Variants in DPYD observed in about 807,000 individuals in gnomAD.
The protein encoded by DPYD is dihydropyrimidine dehydrogenase [NADP(+)].
A neutral mutation model predicts 116.2 loss-of-function variants in DPYD; 109 were observed. The ratio of observed to expected loss-of-function variants is 0.94; its 90% confidence interval spans 0.80 to 1.10. The LOEUF is 1.10. Ranked by LOEUF, DPYD falls within the 50% of genes least tolerant of loss-of-function variation. The pLI is 0.00. For synonymous variants in DPYD, 440 were observed against 432.0 expected, an observed-to-expected ratio of 1.02 and a Z score of -0.23; for missense variants, 1,302 against 1,254.5, an observed-to-expected ratio of 1.04 and a Z score of -0.57.
chr1:97,243,902 A>G (rs568921845), intron 18 of DPYD, among the ~76,000 whole-genome samples: 6 of 152,066 alleles, frequency 3.9e-5, no homozygotes, highest in African/African-American at 1.2e-4. Context: ...CATACTAGCT[A>G]TAACTAAAGA....
intron 3 of DPYD, among the ~76,000 whole-genome samples, chr1:97,826,774 CTGAT>C (rs1169901611): frequency 1.3e-5 from 2 of 151,954 alleles, no homozygotes; most frequent in African/African-American, 4.8e-5. Context: ...CTGAGAATAT[CTGAT>C]TGCATTTTAT....
intron 2 of DPYD, among the ~76,000 whole-genome samples, chr1:97,832,324 G>A (rs754509459): frequency 3.9e-4 from 60 of 152,160 alleles, no homozygotes; most frequent in Admixed American, 5.2e-4. Context: ...AACTCCTCGC[G>A]AGTCCGCTTC....
intron 8 of DPYD, among the ~76,000 whole-genome samples, chr1:97,626,681 CT>C (rs1274710741): frequency 1.3e-5 from 2 of 151,848 alleles, no homozygotes; most frequent in African/African-American, 4.8e-5. Flanking sequence ...AAGATAAAGT[CT>C]TAGTATGTCT....
At chr1:97,369,964 G>A (rs931340062) in intron 16 of DPYD, among the ~76,000 whole-genome samples, 2 of 152,082 alleles carry the variant, frequency 1.3e-5, no homozygotes, top group African/African-American at 4.8e-5. Context: ...CTTAATGCAG[G>A]CTAAAGAAAT....
chr1:97,674,013 C>T (rs1660012507), intron 8 of DPYD, among the ~76,000 whole-genome samples: 2 of 152,068 alleles, frequency 1.3e-5, no homozygotes, highest in African/African-American at 4.8e-5. Context: ...TGAAAACCTT[C>T]GTGGGGACTT....
chr1:97,605,344 G>C (rs533007273), intron 8 of DPYD, among the ~76,000 whole-genome samples: 1 of 152,140 alleles, frequency 6.6e-6, no homozygotes, highest in South Asian at 2.1e-4. Flanking sequence ...CCTGGTGGGA[G>C]GTAACTGAAT....
At chr1:97,367,997 C>A (rs1324638604) in intron 16 of DPYD, among the ~76,000 whole-genome samples, 1 of 152,090 alleles carries the variant, frequency 6.6e-6, no homozygotes, top group Non-Finnish European at 1.5e-5. Context: ...TGATAATATA[C>A]ACCCAGCTCA....
intron 16 of DPYD, among the ~76,000 whole-genome samples, chr1:97,337,360 A>G (rs1483193585): frequency 2.0e-5 from 3 of 152,192 alleles, no homozygotes; most frequent in Non-Finnish European, 4.4e-5. Flanking sequence ...GGTGAGTCAG[A>G]GCTGGGAGGA....
At position 97,242,122 on chromosome 1, in the gene DPYD, G is replaced by GTATATA. The variant is rs1353473800; in HGVS notation, c.2300-7129_2300-7128insTATATA. On this transcript the variant is annotated intron_variant, in intron 18 of 22. Transcript: ENST00000370192. ...TGTAATTTGCAACGTGTGTGTGCGT[G>GTATATA]TGTATATATATATATATATATATAT... 2.4e-3 allele frequency among the ~76,000 whole-genome samples: 174 copies of GTATATA among 71,578 alleles called. 32 individuals carry two copies. Among genetic ancestry groups the GTATATA allele is most frequent in the South Asian group, 3.5e-3 (7 of 2,018 alleles). 47.0% of individuals were successfully genotyped at this position (71,578 alleles called of 152,430 possible). A position where few individuals can be genotyped will look rare whatever the true frequency, so the allele number is the denominator to read the frequency against.
At chr1:97,394,801 A>C (rs965461264) in intron 14 of DPYD, among the ~76,000 whole-genome samples, 3 of 152,086 alleles carry the variant, frequency 2.0e-5, no homozygotes, top group African/African-American at 4.8e-5. Flanking sequence ...AGGTAGAGTG[A>C]GCAGCAAGAT....
At chr1:97,791,923 T>C (rs1229662016) in intron 3 of DPYD, among the ~76,000 whole-genome samples, 2 of 152,188 alleles carry the variant, frequency 1.3e-5, no homozygotes, top group African/African-American at 4.8e-5. Context: ...AACCCAAATA[T>C]TGTCAATATC....
chr1:97,913,278 T>A (rs1282815842), intron 1 of DPYD, among the ~76,000 whole-genome samples: 1 of 152,196 alleles, frequency 6.6e-6, no homozygotes, highest in African/African-American at 2.4e-5. Context: ...ACAGCTGGTA[T>A]AAATAGTACA....
intron 14 of DPYD, among the ~76,000 whole-genome samples, chr1:97,396,944 T>C (rs983548222): frequency 2.6e-5 from 4 of 152,020 alleles, no homozygotes; most frequent in Non-Finnish European, 4.4e-5. Context: ...CAGTTCCTGT[T>C]GGACTGTGTC....
At chr1:97,838,753 G>A (rs759432032) in intron 2 of DPYD, among the ~76,000 whole-genome samples, 4 of 152,162 alleles carry the variant, frequency 2.6e-5, no homozygotes, top group South Asian at 2.1e-4. Context: ...GCTGAGGCAG[G>A]AGAATGGCGT....
intron 20 of DPYD, among the ~76,000 whole-genome samples, chr1:97,176,868 A>ATGTGTGTGTGTGTGTGTGTG (rs10677535): frequency 0.053 from 7,757 of 146,504 alleles, 266 homozygotes; most frequent in Middle Eastern, 0.078. Flanking sequence ...GGACAAAAAA[A>ATGTGTGTGTGTGTGTGTGTG]TGTGTGTGTG....
At chr1:97,733,919 G>GATTA (rs1387378772) in intron 4 of DPYD, among the ~76,000 whole-genome samples, 2 of 151,850 alleles carry the variant, frequency 1.3e-5, no homozygotes, top group African/African-American at 4.8e-5. Flanking sequence ...ATTTTAATAT[G>GATTA]ATTAATAGTC....
rs145358354 is a variant in DPYD, at chr1:97,568,162, T to C, written c.1339+5598A>G. On this transcript the variant is annotated intron_variant, in intron 11 of 22. Coordinates refer to ENST00000370192, the MANE Select transcript of DPYD (RefSeq NM_000110.4). Reference sequence around the variant, plus strand: ...GAACAATTTCTCATTAAAAAAATCATGAATGTATGAGCATCTGCTTCACTT... The same window carrying C: ...GAACAATTTCTCATTAAAAAAATCACGAATGTATGAGCATCTGCTTCACTT... Among the ~76,000 whole-genome samples the C allele has an allele frequency of 3.1e-3, 468 of 152,110 alleles. 2 individuals carry two copies. The highest frequency in any genetic ancestry group is 0.011 in the African/African-American group (451 of 41,486).
intron 2 of DPYD, among the ~76,000 whole-genome samples, chr1:97,846,907 AG>A (rs1388908093): frequency 5.3e-5 from 8 of 152,210 alleles, no homozygotes; most frequent in Non-Finnish European, 2.9e-5. Context: ...AGAAATATTC[AG>A]TAAGAAGTAC....
At chr1:97,349,851 G>T (rs556722018) in intron 16 of DPYD, among the ~76,000 whole-genome samples, 8 of 151,088 alleles carry the variant, frequency 5.3e-5, no homozygotes, top group Non-Finnish European at 1.0e-4. Context: ...TAATCCTTTG[G>T]GTATATACCC....
Sources: allele counts gnomAD v4.1 joint callset (sites outside exome capture counted in the v4.1 genomes callset), GRCh38; gene constraint gnomAD v4.1.1; transcripts MANE v1.5; gene names NCBI Gene and HGNC (gene_info 2026-07-23, HGNC 2026-07-21).